Variants in RBFOX1 observed in about 807,000 individuals in gnomAD.
RBFOX1 encodes RNA binding protein fox-1 homolog 1.
Under a neutral mutation model 57.7 loss-of-function variants are expected in RBFOX1, and 8 were observed. That is an observed-to-expected ratio of 0.14 (90% CI 0.08 to 0.25). The LOEUF (loss-of-function observed/expected upper bound fraction) is 0.25, where lower values mean the gene tolerates loss of function less well. Among genes scored for constraint, RBFOX1 ranks in the 10% least tolerant of loss-of-function variants. The pLI, the probability that RBFOX1 is intolerant of heterozygous loss-of-function variation, is 1.00. For missense variants in RBFOX1, 611 were observed against 548.5 expected (o/e 1.11, Z -1.14); for synonymous variants, 326 against 222.4 (o/e 1.47, Z -4.15).
At chr16:6,525,729 G>C (rs915966455) in intron 2 of RBFOX1, among the ~76,000 whole-genome samples, 1 of 151,960 alleles carries the variant, frequency 6.6e-6, no homozygotes, top group African/African-American at 2.4e-5. Context: ...TGGTGGAAAG[G>C]AGGGAAGGGC....
chr16:6,216,323 G>T (rs190359625), intron 1 of RBFOX1, among the ~76,000 whole-genome samples: 106 of 152,200 alleles, frequency 7.0e-4, no homozygotes, highest in Middle Eastern at 3.4e-3. Flanking sequence ...CCATCTACTA[G>T]ACAGAGGTGA....
chr16:7,252,533 T>C (rs1475851516), intron 4 of RBFOX1, among the ~76,000 whole-genome samples: 3 of 152,190 alleles, frequency 2.0e-5, no homozygotes, highest in Non-Finnish European at 4.4e-5. Context: ...TCATTAAAAG[T>C]TGGAAGATCT....
chr16:7,424,372 G>T (rs1471466237), intron 4 of RBFOX1, among the ~76,000 whole-genome samples: 2 of 152,196 alleles, frequency 1.3e-5, no homozygotes, highest in East Asian at 3.9e-4. Flanking sequence ...CGATGCTCCT[G>T]CCTCAGCCTC....
rs570987500 is a variant in RBFOX1 at position 7,712,796 on chromosome 16, G to A, written c.*2051G>A. 1 of 152,096 alleles carries A rather than the reference G, an allele frequency of 6.6e-6. No homozygotes were observed. The highest frequency in any genetic ancestry group is 1.5e-5 in the Non-Finnish European group (1 of 67,990). 9.4% of individuals were successfully genotyped at this position (152,096 alleles called of 1,614,324 possible). A position where few individuals can be genotyped will look rare whatever the true frequency, so the allele number is the denominator to read the frequency against. ...AGGGAAGAAAGAGTAGGAGCAGGGGGCTATGGAGAATAAATTTCTCCCAAT... is the reference window on the plus strand; with the variant it reads ...AGGGAAGAAAGAGTAGGAGCAGGGGACTATGGAGAATAAATTTCTCCCAAT... On this transcript the variant is annotated 3_prime_UTR_variant, in exon 16 of 16. Transcript: ENST00000550418.
At chr16:5,780,814 G>C (rs1255473669) in intron 3 of RBFOX1, among the ~76,000 whole-genome samples, 1 of 152,196 alleles carries the variant, frequency 6.6e-6, no homozygotes, top group Non-Finnish European at 1.5e-5. Flanking sequence ...ACTTAACCTT[G>C]AGCAAGACAC....
In RBFOX1 at chr16:6,253,736, C is replaced by G. The variant is rs542769001; in HGVS notation, c.-126-63259C>G. 3.4e-5 allele frequency among the ~76,000 whole-genome samples: 5 copies of G among 149,016 alleles called. No individual in the cohort carries two copies. In the South Asian group the frequency reaches 1.1e-3, roughly 32 times the overall value. On this transcript the variant is annotated intron_variant, in intron 1 of 15. Transcript: ENST00000550418. ...ATATGTACCTATACAGAATATATAC[C>G]TGTATCCATATCTATATAAATTTGG...
intron 1 of RBFOX1, among the ~76,000 whole-genome samples, chr16:5,349,865 G>T (rs2065224313): frequency 6.6e-6 from 1 of 152,210 alleles, no homozygotes; most frequent in Non-Finnish European, 1.5e-5. Context: ...CTGCTGAGCA[G>T]TCTCTCTCCC....
intron 2 of RBFOX1, among the ~76,000 whole-genome samples, chr16:6,534,015 A>G (rs2096700743): frequency 6.6e-6 from 1 of 152,212 alleles, no homozygotes; most frequent in Non-Finnish European, 1.5e-5. Context: ...ATATACATAC[A>G]TACACAAAGA....
At chr16:5,835,525 C>G (rs1468130362) in intron 3 of RBFOX1, among the ~76,000 whole-genome samples, 1 of 152,090 alleles carries the variant, frequency 6.6e-6, no homozygotes, top group African/African-American at 2.4e-5. Context: ...GTCCAGATTC[C>G]CAGGACCCTC....
At chr16:7,341,731 C>G (rs534199400) in intron 4 of RBFOX1, among the ~76,000 whole-genome samples, 1 of 139,078 alleles carries the variant, frequency 7.2e-6, no homozygotes, top group Non-Finnish European at 1.6e-5. Context: ...TCCCTCCCTC[C>G]CTCCTTCCCT....
At chr16:6,434,453 G>A (rs759468636) in intron 2 of RBFOX1, among the ~76,000 whole-genome samples, 5 of 152,220 alleles carry the variant, frequency 3.3e-5, no homozygotes, top group Admixed American at 6.5e-5. Context: ...CCCCGTGCCT[G>A]ACTCTCCCTT....
chr16:6,100,419 C>A (rs1323627833), intron 1 of RBFOX1, among the ~76,000 whole-genome samples: 1 of 152,208 alleles, frequency 6.6e-6, no homozygotes, highest in Admixed American at 6.5e-5. Flanking sequence ...GCCGCGGCCT[C>A]CCAAAGTGCT....
chr16:7,577,913 G>C (rs1045862947), intron 5 of RBFOX1, among the ~76,000 whole-genome samples: 1 of 152,164 alleles, frequency 6.6e-6, no homozygotes, highest in African/African-American at 2.4e-5. Context: ...AACAACAAAA[G>C]ACAATGACAA....
At chr16:6,625,968 G>C (rs369486615) in intron 2 of RBFOX1, among the ~76,000 whole-genome samples, 1 of 152,122 alleles carries the variant, frequency 6.6e-6, no homozygotes, top group Non-Finnish European at 1.5e-5. Flanking sequence ...TACATGTTCA[G>C]TAATTTTTGA....
chr16:5,339,097 T>A (rs530439531), intron 1 of RBFOX1, among the ~76,000 whole-genome samples: 1 of 152,164 alleles, frequency 6.6e-6, no homozygotes, highest in East Asian at 1.9e-4. Context: ...GTACAGTAGA[T>A]CTCTTGAACT....
At chr16:6,842,083 C>A (rs1046558195) in intron 3 of RBFOX1, among the ~76,000 whole-genome samples, 3 of 151,638 alleles carry the variant, frequency 2.0e-5, no homozygotes, top group Admixed American at 6.6e-5. Context: ...GCGGAACTTG[C>A]AGTGAGCGGA....
At chr16:5,579,739 A>T (rs747173211) in intron 2 of RBFOX1, among the ~76,000 whole-genome samples, 48 of 150,474 alleles carry the variant, frequency 3.2e-4, no homozygotes, top group Middle Eastern at 7.0e-3. Context: ...GTCATTGCCC[A>T]GTTAATTCTT....
At chr16:7,491,550 A>G (rs377118838) in intron 4 of RBFOX1, among the ~76,000 whole-genome samples, 5 of 151,666 alleles carry the variant, frequency 3.3e-5, no homozygotes, top group African/African-American at 1.2e-4. Flanking sequence ...GGCTGGAGTC[A>G]AGGCAATCTT....
chr16:7,038,387 T>C (rs2045163584), intron 3 of RBFOX1, among the ~76,000 whole-genome samples: 1 of 152,180 alleles, frequency 6.6e-6, no homozygotes, highest in Admixed American at 6.5e-5. Context: ...ATAGAAATCA[T>C]CTTTGTAATA....
Sources: gnomAD v4.1 joint callset for allele counts (sites outside exome capture counted in the v4.1 genomes callset) on GRCh38, gnomAD v4.1.1 for gene constraint, MANE v1.5 for transcripts, NCBI Gene and HGNC (gene_info 2026-07-23, HGNC 2026-07-21) for gene names.